Variants in NAV2 observed in about 807,000 individuals in gnomAD.
NAV2 encodes neuron navigator 2.
Under a neutral mutation model 223.2 loss-of-function variants are expected in NAV2, and 54 were observed. That is an observed-to-expected ratio of 0.24 (90% CI 0.19 to 0.30). NAV2 has a LOEUF of 0.30. Ranked by LOEUF, NAV2 falls within the 10% of genes least tolerant of loss-of-function variation. NAV2 has a pLI of 1.00. For synonymous variants in NAV2, 1,279 were observed against 1,239.3 expected (o/e 1.03, Z -0.67); for missense variants, 2,806 against 3,147.5 (o/e 0.89, Z 2.60).
chr11:19,585,866 G>A (rs1208934731), intron 1 of NAV2, among the ~76,000 whole-genome samples: 1 of 152,160 alleles, frequency 6.6e-6, no homozygotes, highest in Non-Finnish European at 1.5e-5. Context: ...TCTTGGGGTT[G>A]TTCTTCTCGA....
At chr11:19,787,439 T>G (rs1451309948) in intron 1 of NAV2, among the ~76,000 whole-genome samples, 1 of 151,934 alleles carries the variant, frequency 6.6e-6, no homozygotes, top group Non-Finnish European at 1.5e-5. Context: ...TAAAGCAGGA[T>G]GTAGAAATCA....
chr11:19,625,779 G>C (rs1257079998), intron 1 of NAV2, among the ~76,000 whole-genome samples: 1 of 152,046 alleles, frequency 6.6e-6, no homozygotes, highest in Non-Finnish European at 1.5e-5. Context: ...TGGTTTTGAT[G>C]TGCATTTCCC....
chr11:19,420,767 A>T (rs1304529796), intron 1 of NAV2, among the ~76,000 whole-genome samples: 2 of 152,240 alleles, frequency 1.3e-5, no homozygotes, highest in African/African-American at 2.4e-5. Flanking sequence ...AGAATGGAGC[A>T]TGAGGGGGCT....
In NAV2 at chr11:20,049,935, C is replaced by T. The variant is rs763582947; in HGVS notation, c.4436+34C>T. On this transcript the variant is annotated intron_variant, in intron 16 of 37. Transcript: ENST00000349880. ...ATTGCAGGCCGGGGACCAACCGAGC[C>T]TCTAGGTTCTTCTGCCCATTCGTTG... is the stretch of plus-strand genomic sequence containing the variant. 5 of 1,600,274 alleles carry T rather than the reference C, an allele frequency of 3.1e-6. No homozygotes were observed. The Admixed American group carries it at 8.3e-5, about 27-fold the overall frequency.
chr11:19,481,137 C>T (rs1222822840), intron 1 of NAV2, among the ~76,000 whole-genome samples: 2 of 152,154 alleles, frequency 1.3e-5, no homozygotes, highest in Non-Finnish European at 2.9e-5. Flanking sequence ...CCAGTGTCTA[C>T]AAGAGTGACA....
chr11:19,829,102 G>T (rs1304858736), intron 1 of NAV2, among the ~76,000 whole-genome samples: 1 of 152,180 alleles, frequency 6.6e-6, no homozygotes, highest in East Asian at 1.9e-4. Flanking sequence ...ATCTAAGAAG[G>T]GATGAGCTGA....
At chr11:19,826,299 A>T (rs904842624) in intron 1 of NAV2, among the ~76,000 whole-genome samples, 1 of 152,144 alleles carries the variant, frequency 6.6e-6, no homozygotes. Context: ...ATTTTCCATC[A>T]TTTTAGGGAA....
chr11:20,076,019 T>C (rs1176402505), intron 22 of NAV2, among the ~76,000 whole-genome samples: 2 of 152,206 alleles, frequency 1.3e-5, no homozygotes, highest in Non-Finnish European at 2.9e-5. Context: ...AACCTCCTTT[T>C]TTCCCCACAA....
chr11:19,890,736 T>C (rs1293541734), intron 5 of NAV2, among the ~76,000 whole-genome samples: 1 of 152,122 alleles, frequency 6.6e-6, no homozygotes, highest in African/African-American at 2.4e-5. Context: ...ATTGTTTGCA[T>C]TGGAAGCAGA....
intron 1 of NAV2, among the ~76,000 whole-genome samples, chr11:19,813,520 T>C (rs977863275): frequency 1.3e-5 from 2 of 151,784 alleles, no homozygotes; most frequent in African/African-American, 4.8e-5. Flanking sequence ...GAGAATTTGA[T>C]GGGGGAGATG....
chr11:19,503,449 C>T (rs2043021597), intron 1 of NAV2: 1 of 152,240 alleles, frequency 6.6e-6, no homozygotes, highest in African/African-American at 2.4e-5. Flanking sequence ...CTGTGCTCTG[C>T]TTATTCATCT....
intron 1 of NAV2, among the ~76,000 whole-genome samples, chr11:19,385,402 G>C (rs767845209): frequency 4.7e-4 from 71 of 152,232 alleles, no homozygotes; most frequent in Non-Finnish European, 4.8e-4. Flanking sequence ...CATAAAGACA[G>C]TTCGCAAAAG....
intron 1 of NAV2, among the ~76,000 whole-genome samples, chr11:19,644,226 G>T (rs555560286): frequency 6.6e-6 from 1 of 152,316 alleles, no homozygotes; most frequent in South Asian, 2.1e-4. Flanking sequence ...TTCATATCAG[G>T]ACATTTTGAA....
intron 1 of NAV2, among the ~76,000 whole-genome samples, chr11:19,605,232 C>A (rs1350725413): frequency 2.0e-5 from 3 of 152,028 alleles, no homozygotes; most frequent in Non-Finnish European, 4.4e-5. Context: ...AGAAAAAATA[C>A]CCACAGCTGG....
Position 20,092,251 on chromosome 11 carries a change from G to C in NAV2, c.5698G>C (p.Glu1900Gln). The C allele has an allele frequency of 6.2e-7, 1 of 1,614,226 alleles. No homozygotes were observed. Reference protein sequence around the residue: ...LKAENDRLKSESQGSGCSRAP... With the variant: ...LKAENDRLKSQSQGSGCSRAP... ...AGCTGAGAATGATCGGCTGAAGTCA[G>C]AGTCTCAAGGCAGTGGCTGCAGCCG... Residue 1900 changes from glutamate to glutamine, a missense_variant, in exon 28 of 38, where the codon GAG becomes CAG. Glu to Gln is a conservative substitution (Grantham distance 29). Transcript: ENST00000349880.
intron 1 of NAV2, among the ~76,000 whole-genome samples, chr11:19,514,363 C>T (rs189422704): frequency 9.8e-4 from 149 of 152,322 alleles, no homozygotes; most frequent in African/African-American, 3.3e-3. Context: ...ATCCTCTCAA[C>T]ACACATTCTG....
chr11:19,458,794 T>C (rs1209647983), intron 1 of NAV2, among the ~76,000 whole-genome samples: 1 of 152,268 alleles, frequency 6.6e-6, no homozygotes, highest in African/African-American at 2.4e-5. Flanking sequence ...TGGCCCCTCA[T>C]ACCACCTTTC....
chr11:19,851,438 G>A (rs550962333), intron 3 of NAV2, among the ~76,000 whole-genome samples: 2 of 152,202 alleles, frequency 1.3e-5, no homozygotes, highest in African/African-American at 4.8e-5. Flanking sequence ...AGAAGAATAA[G>A]CATGGGCTCT....
At chr11:19,402,359 A>G (rs1392727277) in intron 1 of NAV2, among the ~76,000 whole-genome samples, 1 of 152,242 alleles carries the variant, frequency 6.6e-6, no homozygotes, top group African/African-American at 2.4e-5. Flanking sequence ...CGTGGTGATT[A>G]TAAATGGGCT....
Sources: gnomAD v4.1 joint callset for allele counts (sites outside exome capture counted in the v4.1 genomes callset) on GRCh38, gnomAD v4.1.1 for gene constraint, MANE v1.5 for transcripts, NCBI Gene and HGNC (gene_info 2026-07-23, HGNC 2026-07-21) for gene names.